The following CAMK1D variants were observed in gnomAD, a reference collection of about 807,000 sequenced individuals.
CAMK1D encodes calcium/calmodulin dependent protein kinase ID, also known as calcium/calmodulin-dependent protein kinase type 1D.
CAMK1D carries 9 observed loss-of-function variants against 47.7 expected under a neutral mutation model. The observed-to-expected ratio is 0.19, with a 90% CI of 0.11 to 0.33. The LOEUF is 0.33. CAMK1D is among the 10% of genes least tolerant of loss of function. The probability of loss-of-function intolerance (pLI) is 1.00; values close to 1 mark genes in which losing one functional copy is unlikely to be tolerated. For missense variants in CAMK1D, 291 were observed against 488.7 expected, an observed-to-expected ratio of 0.60 and a Z score of 3.81; for synonymous variants, 184 against 184.9, an observed-to-expected ratio of 0.99 and a Z score of 0.04.
intron 1 of CAMK1D, among the ~76,000 whole-genome samples, chr10:12,356,737 A>G (rs1400950659): frequency 4.6e-5 from 7 of 151,950 alleles, no homozygotes; most frequent in East Asian, 1.9e-4. Context: ...AAAAAAAAAA[A>G]AAAAAAGAAA....
At chr10:12,560,281 G>A (rs935932980) in intron 2 of CAMK1D, among the ~76,000 whole-genome samples, 9 of 152,008 alleles carry the variant, frequency 5.9e-5, no homozygotes, top group African/African-American at 1.7e-4. Context: ...GTCCGGGCGC[G>A]GTGGCTCACG....
intron 10 of CAMK1D, 143 bp downstream of exon 10, chr10:12,825,833 T>A: frequency 7.2e-7 from 1 of 1,388,094 alleles, no homozygotes; most frequent in Non-Finnish European, 9.8e-7. Context: ...ACCCTAGGAC[T>A]TTTTTTAACA....
At chr10:12,586,453 GA>G (rs201388483) in intron 2 of CAMK1D, among the ~76,000 whole-genome samples, 10,658 of 111,658 alleles carry the variant, frequency 0.095, 765 homozygotes, top group African/African-American at 0.24. Context: ...CCTCTCAAAA[GA>G]AAAAAAAAAA....
intron 3 of CAMK1D, among the ~76,000 whole-genome samples, chr10:12,713,827 C>T (rs1285226426): frequency 6.6e-6 from 1 of 152,206 alleles, no homozygotes; most frequent in Non-Finnish European, 1.5e-5. Context: ...CAGAATCCCT[C>T]AACAGAGACA....
intron 6 of CAMK1D, among the ~76,000 whole-genome samples, chr10:12,804,115 T>A (rs754575061): frequency 1.3e-5 from 2 of 152,134 alleles, no homozygotes; most frequent in African/African-American, 2.4e-5. Flanking sequence ...GTGGATGCCA[T>A]TGGCCATCAG....
chr10:12,550,446 G>A (rs1836540908), intron 1 of CAMK1D, among the ~76,000 whole-genome samples: 1 of 152,150 alleles, frequency 6.6e-6, no homozygotes, highest in Admixed American at 6.5e-5. Context: ...CTGAGGTGCA[G>A]CCACCTGTCT....
chr10:12,779,410 G>A (rs562620640), intron 5 of CAMK1D, among the ~76,000 whole-genome samples: 1 of 152,206 alleles, frequency 6.6e-6, no homozygotes, highest in African/African-American at 2.4e-5. Context: ...TCTATTTGGT[G>A]GAGGATGGCC....
At chr10:12,431,370 G>T (rs1832469673) in intron 1 of CAMK1D, among the ~76,000 whole-genome samples, 1 of 152,192 alleles carries the variant, frequency 6.6e-6, no homozygotes, top group Admixed American at 6.5e-5. Context: ...TTAGAAAGGA[G>T]CCGGGTGCAC....
intron 1 of CAMK1D, among the ~76,000 whole-genome samples, chr10:12,365,039 C>T (rs1368757285): frequency 1.3e-5 from 2 of 151,936 alleles, no homozygotes; most frequent in African/African-American, 2.4e-5. Flanking sequence ...TCTCTGGAAC[C>T]TCTGCCTCCC....
At chr10:12,825,824 C>A in intron 10 of CAMK1D, 134 bp downstream of exon 10, 1 of 1,469,876 alleles carries the variant, frequency 6.8e-7, no homozygotes. Flanking sequence ...TGTCATGCGA[C>A]CCTAGGACTT....
intron 2 of CAMK1D, among the ~76,000 whole-genome samples, chr10:12,620,860 G>A (rs1195576954): frequency 6.6e-6 from 1 of 152,064 alleles, no homozygotes. Context: ...AGATCCTAAA[G>A]GTTCTCTCTT....
rs996665139 is a variant in CAMK1D at position 12,658,963 on chromosome 10, C to G, written c.225-7773C>G. Among the ~76,000 whole-genome samples the G allele has an allele frequency of 1.2e-4, 19 of 152,190 alleles. 1 individual carries two copies. The highest frequency in any genetic ancestry group is 4.6e-4 in the African/African-American group (19 of 41,450). On this transcript the variant is annotated intron_variant, in intron 2 of 10. Coordinates refer to ENST00000619168, the MANE Select transcript of CAMK1D (RefSeq NM_153498.4). ...TGATAAGGCAGAGGGTCTAATAGAGCTGATTAACACAAGCTGCTTACAGAT... is the reference window on the plus strand; with the variant it reads ...TGATAAGGCAGAGGGTCTAATAGAGGTGATTAACACAAGCTGCTTACAGAT...
At chr10:12,817,400 A>C (rs535367603) in intron 8 of CAMK1D, among the ~76,000 whole-genome samples, 21 of 152,188 alleles carry the variant, frequency 1.4e-4, no homozygotes, top group South Asian at 6.2e-4. Flanking sequence ...TGTTTCTTCA[A>C]CTCGAGAGGG....
At chr10:12,383,780 ACC>A (rs1838411486) in intron 1 of CAMK1D, among the ~76,000 whole-genome samples, 2 of 152,354 alleles carry the variant, frequency 1.3e-5, no homozygotes, top group Admixed American at 6.5e-5. Context: ...TGAACGCTTT[ACC>A]TTAACTAGCC....
intron 2 of CAMK1D, among the ~76,000 whole-genome samples, chr10:12,629,305 C>T (rs956360041): frequency 3.9e-5 from 6 of 152,172 alleles, no homozygotes; most frequent in African/African-American, 1.4e-4. Flanking sequence ...TGGTTTTAGC[C>T]TTACCTTTTG....
At chr10:12,609,723 C>A (rs994047319) in intron 2 of CAMK1D, among the ~76,000 whole-genome samples, 5 of 152,136 alleles carry the variant, frequency 3.3e-5, no homozygotes, top group South Asian at 2.1e-4. Flanking sequence ...CTTGCTGCCC[C>A]CCTCTTGCTG....
rs557026691 is a variant in CAMK1D at position 12,674,761 on chromosome 10, C to T, written c.299+7951C>T. Among the ~76,000 whole-genome samples, 18 of 151,788 alleles carry T rather than the reference C, an allele frequency of 1.2e-4. No homozygotes were observed. The South Asian group carries it at 3.3e-3, about 28-fold the overall frequency. On this transcript the variant is annotated intron_variant, in intron 3 of 10. Coordinates refer to ENST00000619168, the MANE Select transcript of CAMK1D (RefSeq NM_153498.4). ...TAGAATATTAATCCAGGGTCAGGCGCGGTGGCTCACGCCTGTAATCCCAGC... is the reference window on the plus strand; with the variant it reads ...TAGAATATTAATCCAGGGTCAGGCGTGGTGGCTCACGCCTGTAATCCCAGC...
intron 1 of CAMK1D, among the ~76,000 whole-genome samples, chr10:12,436,180 A>T (rs575182264): frequency 1.3e-5 from 2 of 152,134 alleles, no homozygotes; most frequent in South Asian, 4.2e-4. Context: ...CCTGAAAGCC[A>T]CTCTGGTTCC....
At chr10:12,637,903 A>G (rs1839554807) in intron 2 of CAMK1D, among the ~76,000 whole-genome samples, 1 of 152,180 alleles carries the variant, frequency 6.6e-6, no homozygotes, top group South Asian at 2.1e-4. Flanking sequence ...CTGGCTTCTC[A>G]TCTCAGCAAG....
Sources: gnomAD v4.1 joint callset for allele counts (sites outside exome capture counted in the v4.1 genomes callset) on GRCh38, gnomAD v4.1.1 for gene constraint, MANE v1.5 for transcripts, NCBI Gene and HGNC (gene_info 2026-07-23, HGNC 2026-07-21) for gene names.